TSGA10: variants seen among roughly 807,000 people sequenced by gnomAD.
The protein encoded by TSGA10 is testis-specific gene 10 protein.
TSGA10 carries 43 observed loss-of-function variants against 96.6 expected under a neutral mutation model. That is an observed-to-expected ratio of 0.44 (90% CI 0.35 to 0.57). The LOEUF (loss-of-function observed/expected upper bound fraction) is 0.57. Among genes scored for constraint, TSGA10 ranks in the 20% least tolerant of loss-of-function variants. The probability of loss-of-function intolerance (pLI) is 0.01; values close to 1 mark genes in which losing one functional copy is unlikely to be tolerated. For missense variants in TSGA10, 703 were observed against 834.4 expected (o/e 0.84, Z 1.94); for synonymous variants, 229 against 269.9 (o/e 0.85, Z 1.48).
At chr2:99,078,958 TA>T (rs1219268610) in intron 11 of TSGA10, 145 bp from the exon 12 acceptor site, 4 of 653,790 alleles carry the variant, frequency 6.1e-6, no homozygotes, top group East Asian at 3.2e-5. Flanking sequence ...TATCCCAAAT[TA>T]AAAAAATTTT....
At chr2:99,098,694 A>G (rs936767565) in intron 10 of TSGA10, among the ~76,000 whole-genome samples, 3 of 152,068 alleles carry the variant, frequency 2.0e-5, no homozygotes, top group Non-Finnish European at 2.9e-5. Context: ...AAAACAGGAA[A>G]TAACTACAGA....
chr2:99,005,782 G>GA (rs1407424699), intron 20 of TSGA10, among the ~76,000 whole-genome samples: 2 of 152,066 alleles, frequency 1.3e-5, no homozygotes. Flanking sequence ...CACAGAATTG[G>GA]AAAAAACTAC....
At chr2:99,151,702 T>A (rs1267124602) in intron 1 of TSGA10, among the ~76,000 whole-genome samples, 2 of 152,166 alleles carry the variant, frequency 1.3e-5, no homozygotes, top group Non-Finnish European at 2.9e-5. Context: ...TTAAAACTGC[T>A]TTTTCCCCCC....
At chr2:99,008,349 G>T (rs2078685817) in intron 20 of TSGA10, among the ~76,000 whole-genome samples, 5 of 152,046 alleles carry the variant, frequency 3.3e-5, no homozygotes, top group Admixed American at 2.6e-4. Flanking sequence ...TTAACAAAAA[G>T]ATCTAAAGTC....
At chr2:99,026,192 G>A (rs2080545237) in intron 17 of TSGA10, among the ~76,000 whole-genome samples, 1 of 152,144 alleles carries the variant, frequency 6.6e-6, no homozygotes, top group Non-Finnish European at 1.5e-5. Flanking sequence ...ATTGACATCT[G>A]CAACTATTAC....
chr2:99,018,547 C>T lies in TSGA10; in HGVS notation c.1911G>A (p.Glu637=). 1.2e-6 allele frequency: 2 copies of T among 1,613,544 alleles called. No individual in the cohort carries two copies. Among genetic ancestry groups the T allele is most frequent in the Non-Finnish European group, 8.5e-7 (1 of 1,179,858 alleles). The change falls in exon 19 of 21, where the codon GAG becomes GAA. Residue 637 remains glutamate (E), a synonymous_variant. Transcript: ENST00000393483. ...AGAGATAAACTTACCTTTCAAAGCGCTCTGTTCCTAGTTGTCTTTTGGTAA... is the reference window on the plus strand; with the variant it reads ...AGAGATAAACTTACCTTTCAAAGCGTTCTGTTCCTAGTTGTCTTTTGGTAA... ...LDITKRQLGT[E]RFERERAVQE...
chr2:99,005,776 G>T (rs2078412013), intron 20 of TSGA10, among the ~76,000 whole-genome samples: 2 of 152,132 alleles, frequency 1.3e-5, no homozygotes, highest in South Asian at 4.1e-4. Context: ...TTTCTTCACA[G>T]AATTGGAAAA....
rs984942495 is a variant in TSGA10, at chr2:99,024,291, T to C, written c.1615-3809A>G. Among the ~76,000 whole-genome samples the C allele has an allele frequency of 3.3e-5, 5 of 152,124 alleles. 1 individual carries two copies. The highest frequency in any genetic ancestry group is 2.6e-4 in the Admixed American group (4 of 15,272). Reference sequence around the variant, plus strand: ...TTTTAGTAGAGATGGGGTTTCACCATGTTAGCCAGGATGGTCTTGATCTCC... The same window carrying C: ...TTTTAGTAGAGATGGGGTTTCACCACGTTAGCCAGGATGGTCTTGATCTCC... On this transcript the variant is annotated intron_variant, in intron 17 of 20. Coordinates refer to ENST00000393483, the MANE Select transcript of TSGA10 (RefSeq NM_025244.4).
At chr2:99,120,436 T>C (rs2092510140) in intron 2 of TSGA10, among the ~76,000 whole-genome samples, 1 of 152,092 alleles carries the variant, frequency 6.6e-6, no homozygotes, top group Admixed American at 6.5e-5. Flanking sequence ...TTCTTGATCC[T>C]AGAAGATGCA....
At chr2:99,048,569 C>T (rs2083042414) in intron 16 of TSGA10, among the ~76,000 whole-genome samples, 2 of 152,198 alleles carry the variant, frequency 1.3e-5, no homozygotes, top group African/African-American at 2.4e-5. Flanking sequence ...ACACCTTATA[C>T]AAAAATTAAC....
intron 20 of TSGA10, among the ~76,000 whole-genome samples, chr2:99,001,623 C>T (rs2077915814): frequency 1.3e-5 from 2 of 152,102 alleles, no homozygotes; most frequent in Admixed American, 1.3e-4. Flanking sequence ...CAAAACTGGA[C>T]AGAGAATGAC....
chr2:99,153,151 A>AT (rs1185331810), intron 1 of TSGA10, among the ~76,000 whole-genome samples: 2 of 152,296 alleles, frequency 1.3e-5, no homozygotes, highest in African/African-American at 4.8e-5. Flanking sequence ...GTCCACAGGA[A>AT]TCTCCAGGTT....
At chr2:99,067,521 G>T (rs529524609) in intron 15 of TSGA10, among the ~76,000 whole-genome samples, 2 of 152,322 alleles carry the variant, frequency 1.3e-5, no homozygotes, top group Non-Finnish European at 2.9e-5. Context: ...GGGAGATAAA[G>T]GGAAGTGTTT....
chr2:99,047,492 G>C lies in TSGA10; in HGVS notation c.1405-12053C>G, dbSNP rs866880435. 3.3e-5 allele frequency among the ~76,000 whole-genome samples: 5 copies of C among 152,280 alleles called. No individual in the cohort carries two copies. The East Asian group carries it at 5.8e-4, about 18-fold the overall frequency. ...CAAAAACCACATGATTATCTCAATA[G>C]ATGCAGAAAAGGCCTTTGACAAAAT... is the stretch of plus-strand genomic sequence containing the variant. On this transcript the variant is annotated intron_variant, in intron 16 of 20. Transcript: ENST00000393483.
At chr2:99,127,520 T>G (rs1356407658) in intron 1 of TSGA10, among the ~76,000 whole-genome samples, 6 of 152,164 alleles carry the variant, frequency 3.9e-5, no homozygotes, top group Non-Finnish European at 8.8e-5. Flanking sequence ...CTGTTGCTAC[T>G]CTATACAAGA....
chr2:99,148,394 TA>T (rs1262393124), intron 1 of TSGA10: 1 of 152,190 alleles, frequency 6.6e-6, no homozygotes, highest in East Asian at 1.9e-4. Flanking sequence ...TCAGAGATAT[TA>T]AAAAATTTAG....
intron 7 of TSGA10, 51 bp from the exon 8 acceptor site, chr2:99,105,748 C>T: frequency 6.7e-7 from 1 of 1,496,224 alleles, no homozygotes; most frequent in Non-Finnish European, 9.0e-7. Context: ...AACACATAAA[C>T]ATAAAAAATT....
intron 16 of TSGA10, among the ~76,000 whole-genome samples, chr2:99,064,638 AATGTTAGT>A (rs1491001021): frequency 6.6e-6 from 1 of 152,148 alleles, no homozygotes; most frequent in African/African-American, 2.4e-5. Flanking sequence ...AACATGGCAA[AATGTTAGT>A]ATCCTTACAT....
At chr2:99,065,587 T>C (rs941316447) in intron 15 of TSGA10, among the ~76,000 whole-genome samples, 1 of 152,202 alleles carries the variant, frequency 6.6e-6, no homozygotes, top group East Asian at 1.9e-4. Flanking sequence ...ATTTTAAATG[T>C]CAGCTTCTGA....
Sources: allele counts gnomAD v4.1 joint callset (sites outside exome capture counted in the v4.1 genomes callset), GRCh38; gene constraint gnomAD v4.1.1; transcripts MANE v1.5; gene names NCBI Gene and HGNC (gene_info 2026-07-23, HGNC 2026-07-21).